The following LRBA variants were observed in gnomAD, a reference collection of about 807,000 sequenced individuals.
LRBA encodes the protein LPS responsive beige-like anchor protein, also known as lipopolysaccharide-responsive and beige-like anchor protein.
Under a neutral mutation model 330.0 loss-of-function variants are expected in LRBA, and 176 were observed. The observed-to-expected ratio is 0.53, with a 90% CI of 0.47 to 0.60. The LOEUF (loss-of-function observed/expected upper bound fraction) is 0.60, where lower values mean the gene tolerates loss of function less well. Ranked by LOEUF, LRBA falls within the 20% of genes least tolerant of loss-of-function variation. The probability of loss-of-function intolerance (pLI) is 0.00; values close to 1 mark genes in which losing one functional copy is unlikely to be tolerated. For synonymous variants in LRBA, 1,230 were observed against 1,193.0 expected (o/e 1.03, Z -0.64); for missense variants, 3,259 against 3,444.8 (o/e 0.95, Z 1.35).
At chr4:150,948,907 C>G (rs758665494) in intron 2 of LRBA, among the ~76,000 whole-genome samples, 18 of 151,708 alleles carry the variant, frequency 1.2e-4, no homozygotes, top group Middle Eastern at 3.4e-3. Flanking sequence ...ATACATCAAT[C>G]AAAACAACTA....
chr4:150,887,633 CT>C (rs1729075951), intron 17 of LRBA, among the ~76,000 whole-genome samples: 1 of 151,442 alleles, frequency 6.6e-6, no homozygotes, highest in African/African-American at 2.4e-5. Context: ...GTCAGGCATG[CT>C]GGCGGGCGCC....
At chr4:150,341,774 T>C (rs1735608508) in intron 48 of LRBA, among the ~76,000 whole-genome samples, 5 of 151,430 alleles carry the variant, frequency 3.3e-5, no homozygotes, top group Middle Eastern at 7.0e-3. Flanking sequence ...TTTAAAAAAA[T>C]ATATTTCTTA....
intron 22 of LRBA, among the ~76,000 whole-genome samples, chr4:150,856,895 T>C (rs923176025): frequency 6.6e-6 from 1 of 152,170 alleles, no homozygotes; most frequent in Non-Finnish European, 1.5e-5. Flanking sequence ...GACTATAACA[T>C]TTCTTTTGCC....
chr4:150,922,394 G>GTATGTATA lies in LRBA; in HGVS notation c.550-1102_550-1101insTATACATA, dbSNP rs1554000212. 3.6e-5 allele frequency among the ~76,000 whole-genome samples: 5 copies of GTATGTATA among 139,734 alleles called. 1 individual carries two copies. The East Asian group carries it at 1.1e-3, about 30-fold the overall frequency. 91.7% of individuals were successfully genotyped at this position (139,734 alleles called of 152,430 possible). A position where few individuals can be genotyped will look rare whatever the true frequency, so the allele number is the denominator to read the frequency against. Reference sequence around the variant, plus strand: ...TCAACGAGTGGATAAAGAAACTGTGGTATATATATATATATATATATATGA... The same window carrying GTATGTATA: ...TCAACGAGTGGATAAAGAAACTGTGGTATGTATATATATATATATATATATATATATGA... On this transcript the variant is annotated intron_variant, in intron 4 of 56. Transcript: ENST00000651943.
chr4:150,360,537 C>T (rs929433984), intron 47 of LRBA, among the ~76,000 whole-genome samples: 12 of 152,136 alleles, frequency 7.9e-5, no homozygotes, highest in Non-Finnish European at 1.5e-4. Context: ...ATCAACTGGA[C>T]GGTGAGGCTT....
chr4:150,304,439 A>T (rs999194355), intron 52 of LRBA, among the ~76,000 whole-genome samples: 1 of 152,158 alleles, frequency 6.6e-6, no homozygotes, highest in Non-Finnish European at 1.5e-5. Context: ...CATATAGCCT[A>T]CTTCTAATAA....
intron 48 of LRBA, among the ~76,000 whole-genome samples, chr4:150,338,966 TACACAC>T (rs200463218): frequency 6.1e-5 from 9 of 148,606 alleles, no homozygotes; most frequent in South Asian, 2.1e-4. Context: ...TATTTAATTA[TACACAC>T]ACACACACAC....
chr4:150,519,199 CT>C (rs998301645), intron 40 of LRBA, among the ~76,000 whole-genome samples: 4 of 151,036 alleles, frequency 2.6e-5, no homozygotes, highest in Admixed American at 6.6e-5. Flanking sequence ...ATCCATTATT[CT>C]TTTTTTTTAC....
At chr4:150,461,397 G>A (rs931920919) in intron 44 of LRBA, among the ~76,000 whole-genome samples, 3 of 151,796 alleles carry the variant, frequency 2.0e-5, no homozygotes, top group Non-Finnish European at 4.4e-5. Flanking sequence ...AATATGCACA[G>A]TGATGGTTTC....
intron 40 of LRBA, among the ~76,000 whole-genome samples, chr4:150,539,342 A>T (rs1765065807): frequency 6.6e-6 from 1 of 152,198 alleles, no homozygotes; most frequent in Admixed American, 6.5e-5. Flanking sequence ...CAATTTCTTC[A>T]TCTGAAAAAT....
intron 46 of LRBA, chr4:150,423,443 G>A (rs1749104881): frequency 1.7e-6 from 1 of 598,242 alleles, no homozygotes; most frequent in Non-Finnish European, 3.0e-6. Flanking sequence ...GCGGTGAGCT[G>A]TTGCCAGCGG....
chr4:150,481,231 C>T (rs1053363322), intron 42 of LRBA, among the ~76,000 whole-genome samples: 2 of 152,098 alleles, frequency 1.3e-5, no homozygotes, highest in Non-Finnish European at 2.9e-5. Flanking sequence ...TTTCCTTATC[C>T]ACTTATCTGT....
chr4:150,373,172 T>TGTGTGAGAGA (rs1283762385), intron 47 of LRBA, among the ~76,000 whole-genome samples: 12 of 97,506 alleles, frequency 1.2e-4, no homozygotes, highest in South Asian at 7.5e-4. Context: ...TGTGTGTGTG[T>TGTGTGAGAGA]GAGAGAGAGA....
intron 42 of LRBA, among the ~76,000 whole-genome samples, chr4:150,473,393 A>G (rs936194851): frequency 1.3e-5 from 2 of 152,198 alleles, no homozygotes; most frequent in African/African-American, 4.8e-5. Flanking sequence ...AAGTGACCTT[A>G]GAGAGCTGGT....
chr4:150,598,391 T>C (rs1438264083), intron 38 of LRBA, among the ~76,000 whole-genome samples: 1 of 152,174 alleles, frequency 6.6e-6, no homozygotes, highest in African/African-American at 2.4e-5. Context: ...AACTGAATCA[T>C]AGTCATATGC....
intron 2 of LRBA, among the ~76,000 whole-genome samples, chr4:150,976,824 A>G (rs1740237466): frequency 3.3e-5 from 5 of 152,150 alleles, no homozygotes; most frequent in Admixed American, 3.3e-4. Context: ...GAGTGCAGCG[A>G]CTGTGGGATC....
At chr4:150,643,844 A>T (rs1349269504) in intron 37 of LRBA, among the ~76,000 whole-genome samples, 1 of 151,980 alleles carries the variant, frequency 6.6e-6, no homozygotes, top group Non-Finnish European at 1.5e-5. Context: ...ATTCATATCT[A>T]AGCTTCCATG....
intron 47 of LRBA, among the ~76,000 whole-genome samples, chr4:150,393,186 G>A (rs544647236): frequency 4.3e-4 from 65 of 152,038 alleles, no homozygotes; most frequent in South Asian, 1.3e-3. Flanking sequence ...TTATTAGATG[G>A]TAAATACCTA....
At chr4:150,892,372 C>T (rs1012925239) in intron 17 of LRBA, among the ~76,000 whole-genome samples, 2 of 152,114 alleles carry the variant, frequency 1.3e-5, no homozygotes, top group African/African-American at 2.4e-5. Context: ...AGGTTAAATG[C>T]GGTCCTAAGA....
Sources: allele counts gnomAD v4.1 joint callset (sites outside exome capture counted in the v4.1 genomes callset), GRCh38; gene constraint gnomAD v4.1.1; transcripts MANE v1.5; gene names NCBI Gene and HGNC (gene_info 2026-07-23, HGNC 2026-07-21).